LRRC4C: variants seen among roughly 807,000 people sequenced by gnomAD.
LRRC4C encodes leucine-rich repeat-containing protein 4C.
In LRRC4C, 5 loss-of-function variants were observed where a neutral mutation model predicts 33.6. That is an observed-to-expected ratio of 0.15 (90% confidence interval 0.08 to 0.31). The LOEUF is 0.31. Ranked by LOEUF, LRRC4C falls within the 10% of genes least tolerant of loss-of-function variation. The pLI is 1.00. For synonymous variants in LRRC4C, 329 were observed against 302.0 expected (o/e 1.09, Z -0.93); for missense variants, 560 against 796.7 (o/e 0.70, Z 3.58).
intron 3 of LRRC4C, among the ~76,000 whole-genome samples, chr11:40,566,109 T>TTC (rs1048032166): frequency 7.1e-6 from 1 of 141,740 alleles, no homozygotes; most frequent in African/African-American, 2.6e-5. Context: ...TTTTTTTTTT[T>TTC]ACTTATGTCA....
intron 2 of LRRC4C, among the ~76,000 whole-genome samples, chr11:40,911,267 C>A (rs1956667724): frequency 6.6e-6 from 1 of 152,160 alleles, no homozygotes; most frequent in South Asian, 2.1e-4. Flanking sequence ...GTCCCTGAAC[C>A]CCGAGTAGCC....
intron 1 of LRRC4C, among the ~76,000 whole-genome samples, chr11:41,037,997 C>T (rs565549144): frequency 6.6e-5 from 10 of 152,280 alleles, no homozygotes; most frequent in African/African-American, 2.4e-4. Context: ...CGAAAACGTC[C>T]AACCACCACA....
rs193278519 is a variant in LRRC4C at position 40,247,692 on chromosome 11, T to C, written c.-175-6094A>G. Among the ~76,000 whole-genome samples the C allele has an allele frequency of 2.5e-4, 38 of 152,290 alleles. No homozygotes were observed. In the East Asian group the frequency reaches 5.0e-3, roughly 20 times the overall value. On this transcript the variant is annotated intron_variant, in intron 4 of 6. Transcript: ENST00000528697. ...TGCGTTTTTTGTTGGTTTGTTTTTC[T>C]GTCTCTGAGGTCTTTGAAGGTCTTG...
intron 1 of LRRC4C, among the ~76,000 whole-genome samples, chr11:41,022,906 T>G (rs1856082800): frequency 6.6e-6 from 1 of 151,934 alleles, no homozygotes; most frequent in South Asian, 2.1e-4. Context: ...AAGACATGGA[T>G]AGTCATAAAT....
At chr11:40,872,159 G>A (rs899368241) in intron 2 of LRRC4C, among the ~76,000 whole-genome samples, 1 of 152,062 alleles carries the variant, frequency 6.6e-6, no homozygotes, top group Non-Finnish European at 1.5e-5. Flanking sequence ...AGTTAAAGAA[G>A]TATCTTATGA....
chr11:40,189,369 G>C (rs1448472309), intron 5 of LRRC4C, among the ~76,000 whole-genome samples: 1 of 152,034 alleles, frequency 6.6e-6, no homozygotes, highest in Non-Finnish European at 1.5e-5. Flanking sequence ...CCATTGTGTT[G>C]TGTTTTGGCC....
intron 3 of LRRC4C, among the ~76,000 whole-genome samples, chr11:40,508,380 G>T (rs554851855): frequency 6.6e-6 from 1 of 152,076 alleles, no homozygotes; most frequent in South Asian, 2.1e-4. Context: ...AGAAGGCTTG[G>T]CAAAAATAAT....
intron 1 of LRRC4C, among the ~76,000 whole-genome samples, chr11:41,259,668 T>G (rs1948913808): frequency 6.6e-6 from 1 of 152,028 alleles, no homozygotes; most frequent in Non-Finnish European, 1.5e-5. Context: ...TATGGCCTGT[T>G]GTAAGTTAGC....
chr11:40,581,889 C>G (rs149992127), intron 3 of LRRC4C, among the ~76,000 whole-genome samples: 2 of 151,882 alleles, frequency 1.3e-5, no homozygotes, highest in East Asian at 1.9e-4. Context: ...GGTGACAGAG[C>G]GAGACTCTGT....
At chr11:40,774,814 G>A (rs1949914175) in intron 2 of LRRC4C, among the ~76,000 whole-genome samples, 1 of 151,942 alleles carries the variant, frequency 6.6e-6, no homozygotes, top group African/African-American at 2.4e-5. Context: ...GCATTTTGAG[G>A]GCTATTTGGC....
At chr11:40,965,447 C>T (rs1281087858) in intron 1 of LRRC4C, among the ~76,000 whole-genome samples, 2 of 152,072 alleles carry the variant, frequency 1.3e-5, no homozygotes, top group African/African-American at 4.8e-5. Flanking sequence ...CTTGTCCATG[C>T]CTATGTCCTG....
At chr11:40,940,992 T>C (rs989581264) in intron 1 of LRRC4C, among the ~76,000 whole-genome samples, 1 of 149,954 alleles carries the variant, frequency 6.7e-6, no homozygotes, top group African/African-American at 2.5e-5. Flanking sequence ...ATTCAGAAGA[T>C]AATATATTTA....
intron 2 of LRRC4C, among the ~76,000 whole-genome samples, chr11:40,922,450 T>C (rs1441422871): frequency 6.6e-6 from 1 of 152,204 alleles, no homozygotes; most frequent in Non-Finnish European, 1.5e-5. Context: ...AAAGTTGCTG[T>C]TGGTTAACAG....
chr11:40,753,343 C>A (rs1948789329), intron 2 of LRRC4C, among the ~76,000 whole-genome samples: 1 of 151,806 alleles, frequency 6.6e-6, no homozygotes, highest in African/African-American at 2.4e-5. Context: ...CTCAAATACC[C>A]TGACATCATT....
At chr11:40,442,376 G>A (rs760698177) in intron 3 of LRRC4C, among the ~76,000 whole-genome samples, 32 of 152,058 alleles carry the variant, frequency 2.1e-4, no homozygotes, top group Non-Finnish European at 3.5e-4. Flanking sequence ...AAATATTTAT[G>A]AGCACCAACA....
chr11:41,049,008 A>G (rs1365270748), intron 1 of LRRC4C, among the ~76,000 whole-genome samples: 3 of 152,228 alleles, frequency 2.0e-5, no homozygotes, highest in East Asian at 3.9e-4. Flanking sequence ...GGCAGGTACT[A>G]GGTATGTAGA....
chr11:40,650,933 T>C (rs770378994), intron 2 of LRRC4C, among the ~76,000 whole-genome samples: 1 of 152,114 alleles, frequency 6.6e-6, no homozygotes, highest in Non-Finnish European at 1.5e-5. Flanking sequence ...CTTCTCTCAT[T>C]TGAAACATCC....
chr11:40,304,482 G>A (rs749990692), intron 4 of LRRC4C, among the ~76,000 whole-genome samples: 36 of 152,126 alleles, frequency 2.4e-4, no homozygotes, highest in Admixed American at 4.6e-4. Context: ...AGAGTTTGGG[G>A]TTTTGCTCAC....
chr11:40,809,602 GA>G (rs906986522), intron 2 of LRRC4C, among the ~76,000 whole-genome samples: 5 of 151,374 alleles, frequency 3.3e-5, no homozygotes, highest in Non-Finnish European at 5.9e-5. Context: ...CCTCCACACA[GA>G]AAAAAAATAG....
Sources: gnomAD v4.1 joint callset for allele counts (sites outside exome capture counted in the v4.1 genomes callset) on GRCh38, gnomAD v4.1.1 for gene constraint, MANE v1.5 for transcripts, NCBI Gene and HGNC (gene_info 2026-07-23, HGNC 2026-07-21) for gene names.